The following PHACTR4 variants were observed in gnomAD, a reference collection of about 807,000 sequenced individuals.
PHACTR4 encodes phosphatase and actin regulator 4.
In PHACTR4, 51 loss-of-function variants were observed where a neutral mutation model predicts 72.7. The observed-to-expected ratio is 0.70, with a 90% confidence interval of 0.56 to 0.89. The LOEUF (loss-of-function observed/expected upper bound fraction) is 0.89. Ranked by LOEUF, PHACTR4 falls within the 40% of genes least tolerant of loss-of-function variation. The pLI, the probability that PHACTR4 is intolerant of heterozygous loss-of-function variation, is 0.00. For synonymous variants in PHACTR4, 255 were observed against 302.5 expected (o/e 0.84, Z 1.63); for missense variants, 731 against 861.8 (o/e 0.85, Z 1.90).
At chr1:28,496,388 G>T in intron 13 of PHACTR4, 146 bp from the exon 14 acceptor site, 2 of 827,454 alleles carry the variant, frequency 2.4e-6, no homozygotes, top group Middle Eastern at 3.1e-4. Flanking sequence ...CAGATGAGGA[G>T]TATCAGATGC....
Position 28,480,443 on chromosome 1 carries a change from G to A in PHACTR4, c.1607-8G>A, listed in dbSNP as rs766388063. ...AGTTCTACATTTTTTTCTTCCCCGTGTGCAAAGGTGCTCTCGCCAACAAAG... is the reference window on the plus strand; with the variant it reads ...AGTTCTACATTTTTTTCTTCCCCGTATGCAAAGGTGCTCTCGCCAACAAAG... On this transcript the variant is annotated splice_region_variant and splice_polypyrimidine_tract_variant and intron_variant, in intron 8 of 13. Coordinates refer to ENST00000373839, the MANE Select transcript of PHACTR4 (RefSeq NM_001048183.3). 1.1e-5 allele frequency: 17 copies of A among 1,613,104 alleles called. No individual in the cohort carries two copies. The East Asian group carries it at 1.3e-4, about 13-fold the overall frequency.
At chr1:28,410,099 T>C (rs1472523163) in intron 2 of PHACTR4, among the ~76,000 whole-genome samples, 1 of 151,766 alleles carries the variant, frequency 6.6e-6, no homozygotes, top group Non-Finnish European at 1.5e-5. Flanking sequence ...CCCGAGTAGC[T>C]GGGACTACAG....
intron 8 of PHACTR4, among the ~76,000 whole-genome samples, chr1:28,479,952 A>G (rs1485742201): frequency 6.6e-6 from 1 of 152,222 alleles, no homozygotes; most frequent in Non-Finnish European, 1.5e-5. Flanking sequence ...AAGGTGGCAC[A>G]TGGGCTAAGG....
chr1:28,486,424 C>T (rs1357334504), intron 9 of PHACTR4, among the ~76,000 whole-genome samples: 2 of 152,120 alleles, frequency 1.3e-5, no homozygotes. Context: ...GATGATTTCA[C>T]AGGTGATATA....
chr1:28,426,750 T>G (rs916928141), intron 2 of PHACTR4, among the ~76,000 whole-genome samples: 11 of 149,828 alleles, frequency 7.3e-5, no homozygotes, highest in African/African-American at 2.5e-4. Context: ...AGAGACAAGA[T>G]CTGCCCCCAC....
chr1:28,473,766 C>A lies in PHACTR4; in HGVS notation c.1036C>A (p.Pro346Thr), dbSNP rs373329656. The A allele has an allele frequency of 5.6e-6, 9 of 1,613,966 alleles. No homozygotes were observed. The highest frequency in any genetic ancestry group is 4.5e-5 in the East Asian group (2 of 44,890). Residue 346 changes from proline to threonine, a missense_variant, in exon 7 of 14, where the codon CCA (proline) becomes ACA (threonine). Coordinates refer to ENST00000373839, the MANE Select transcript of PHACTR4 (RefSeq NM_001048183.3). ...PMISPRSPSPPLPTHIPPEPP... is the reference protein window; with the variant it reads ...PMISPRSPSPTLPTHIPPEPP... The stretch of plus-strand genomic sequence containing the variant: ...GATCTCACCTCGCTCTCCGTCCCCC[C>A]CACTGCCTACTCATATACCTCCAGA...
intron 2 of PHACTR4, among the ~76,000 whole-genome samples, chr1:28,424,074 A>G (rs1655679210): frequency 6.6e-6 from 1 of 152,248 alleles, no homozygotes. Flanking sequence ...GAAGAAATAG[A>G]GAACAGAAAT....
chr1:28,396,544 GATA>G (rs897073703), intron 1 of PHACTR4, among the ~76,000 whole-genome samples: 2 of 151,434 alleles, frequency 1.3e-5, no homozygotes, highest in African/African-American at 2.4e-5. Flanking sequence ...AAAAAAAGAA[GATA>G]ATAAAGATGC....
intron 2 of PHACTR4, among the ~76,000 whole-genome samples, chr1:28,451,659 C>T (rs1227950996): frequency 6.7e-6 from 1 of 148,498 alleles, no homozygotes; most frequent in Non-Finnish European, 1.5e-5. Flanking sequence ...TAATTTTTTT[C>T]TTTGAGACAG....
intron 1 of PHACTR4, among the ~76,000 whole-genome samples, chr1:28,389,858 C>T (rs1161741849): frequency 6.6e-6 from 1 of 152,110 alleles, no homozygotes; most frequent in Non-Finnish European, 1.5e-5. Flanking sequence ...TCAGCAATTC[C>T]ACTACTGGGT....
intron 2 of PHACTR4, among the ~76,000 whole-genome samples, chr1:28,421,868 C>T (rs922102978): frequency 2.6e-5 from 4 of 152,166 alleles, no homozygotes; most frequent in Admixed American, 6.6e-5. Flanking sequence ...ATAATACATC[C>T]GGGATACATG....
chr1:28,482,956 G>C (rs1439876648), intron 9 of PHACTR4, among the ~76,000 whole-genome samples: 1 of 147,714 alleles, frequency 6.8e-6, no homozygotes, highest in South Asian at 2.1e-4. Flanking sequence ...AAAAAAAAGA[G>C]ACACCTGGCT....
At chr1:28,421,977 A>C (rs1418826980) in intron 2 of PHACTR4, among the ~76,000 whole-genome samples, 3 of 152,260 alleles carry the variant, frequency 2.0e-5, no homozygotes, top group East Asian at 1.9e-4. Context: ...ATGACTTATT[A>C]ATTCATTCAA....
chr1:28,378,653 G>T (rs1434465388), intron 1 of PHACTR4, among the ~76,000 whole-genome samples: 1 of 113,914 alleles, frequency 8.8e-6, no homozygotes, highest in East Asian at 2.9e-4. Context: ...GTTTTGTTTT[G>T]ATTTTAAGGA....
At chr1:28,467,278 A>G (rs1659246418) in intron 6 of PHACTR4, 1 of 152,972 alleles carries the variant, frequency 6.5e-6, no homozygotes, top group Non-Finnish European at 1.5e-5. Flanking sequence ...AAATGTAAAC[A>G]TCACTAAGAT....
chr1:28,485,090 C>G (rs1660548524), intron 9 of PHACTR4, among the ~76,000 whole-genome samples: 1 of 152,108 alleles, frequency 6.6e-6, no homozygotes, highest in African/African-American at 2.4e-5. Flanking sequence ...GTAAGCCAGT[C>G]ACAGAACAAT....
chr1:28,374,334 C>T (rs1424372861), intron 1 of PHACTR4, among the ~76,000 whole-genome samples: 6 of 152,164 alleles, frequency 3.9e-5, no homozygotes, highest in Admixed American at 1.3e-4. Flanking sequence ...GTCAGACCAT[C>T]GGGACTCAAG....
Position 28,480,495 on chromosome 1 carries a change from A to G in PHACTR4, c.1651A>G (p.Lys551Glu). The G allele has an allele frequency of 5.0e-6, 8 of 1,614,132 alleles. No homozygotes were observed. Among genetic ancestry groups the G allele is most frequent in the Non-Finnish European group, 6.8e-6 (8 of 1,180,024 alleles). ...KVKRKDTLAM[K>E]LNHRPSEPEL... is the part of the protein sequence containing the mutation. ...GAAGAGGAAAGACACACTGGCAATG[A>G]AGTTGAACCACAGACCCAGTGAACC... The change falls in exon 9 of 14, where the codon AAG becomes GAG. Residue 551 changes from lysine to glutamate, a missense_variant. Transcript: ENST00000373839.
At chr1:28,466,142 C>T (rs1323869053) in intron 5 of PHACTR4, among the ~76,000 whole-genome samples, 1 of 152,166 alleles carries the variant, frequency 6.6e-6, no homozygotes, top group Non-Finnish European at 1.5e-5. Context: ...TGTTGTGGCT[C>T]TCCTCCAGTA....
Sources: gnomAD v4.1 joint callset for allele counts (sites outside exome capture counted in the v4.1 genomes callset) on GRCh38, gnomAD v4.1.1 for gene constraint, MANE v1.5 for transcripts, NCBI Gene and HGNC (gene_info 2026-07-23, HGNC 2026-07-21) for gene names.